Variants in STK32B observed in about 807,000 individuals in gnomAD.
The protein encoded by STK32B is serine/threonine-protein kinase 32B.
STK32B carries 43 observed loss-of-function variants against 52.6 expected under a neutral mutation model. The ratio of observed to expected loss-of-function variants is 0.82; its 90% CI spans 0.64 to 1.05. The LOEUF is 1.05. Ranked by LOEUF, STK32B falls within the 50% of genes least tolerant of loss-of-function variation. STK32B has a pLI of 0.00. For synonymous variants in STK32B, 238 were observed against 204.3 expected (o/e 1.17, Z -1.41); for missense variants, 621 against 534.6 (o/e 1.16, Z -1.59).
At chr4:5,448,739 A>T (rs913708136) in intron 7 of STK32B, among the ~76,000 whole-genome samples, 4 of 152,206 alleles carry the variant, frequency 2.6e-5, no homozygotes, top group Non-Finnish European at 4.4e-5. Context: ...GGCCTTTGGC[A>T]TGGAGACAAA....
chr4:5,288,826 T>A (rs1191398003), intron 3 of STK32B, among the ~76,000 whole-genome samples: 1 of 152,230 alleles, frequency 6.6e-6, no homozygotes, highest in Non-Finnish European at 1.5e-5. Flanking sequence ...ACACCTATGT[T>A]TTGTTCTGAA....
chr4:5,279,979 G>C (rs1406396906), intron 3 of STK32B, among the ~76,000 whole-genome samples: 1 of 152,202 alleles, frequency 6.6e-6, no homozygotes, highest in Non-Finnish European at 1.5e-5. Flanking sequence ...GCTTGTGATG[G>C]AAGGGGCTGC....
intron 3 of STK32B, among the ~76,000 whole-genome samples, chr4:5,276,714 A>G (rs1269214192): frequency 1.3e-5 from 2 of 152,086 alleles, no homozygotes; most frequent in Non-Finnish European, 2.9e-5. Context: ...GAGATTTGTT[A>G]TAATTTTTAC....
chr4:5,082,994 A>G (rs1009231057), intron 1 of STK32B, among the ~76,000 whole-genome samples: 1 of 152,230 alleles, frequency 6.6e-6, no homozygotes, highest in African/African-American at 2.4e-5. Flanking sequence ...AAATATTACA[A>G]TAAACGAACA....
intron 1 of STK32B, among the ~76,000 whole-genome samples, chr4:5,076,079 G>C (rs1464790839): frequency 6.6e-6 from 1 of 152,164 alleles, no homozygotes; most frequent in Non-Finnish European, 1.5e-5. Flanking sequence ...AAGCCCAGCT[G>C]TACGGGACAT....
chr4:5,139,032 T>C (rs1464107577), intron 1 of STK32B, among the ~76,000 whole-genome samples: 1 of 152,088 alleles, frequency 6.6e-6, no homozygotes, highest in Non-Finnish European at 1.5e-5. Flanking sequence ...CACATTTTCC[T>C]GAGTGGAAGA....
intron 4 of STK32B, among the ~76,000 whole-genome samples, chr4:5,365,884 A>G (rs1465731217): frequency 6.6e-6 from 1 of 152,140 alleles, no homozygotes; most frequent in Non-Finnish European, 1.5e-5. Flanking sequence ...AGGGCGTGGG[A>G]TTTTAAAGGG....
At chr4:5,163,756 G>C (rs988508808) in intron 2 of STK32B, among the ~76,000 whole-genome samples, 1 of 152,214 alleles carries the variant, frequency 6.6e-6, no homozygotes, top group Non-Finnish European at 1.5e-5. Flanking sequence ...GGGGTAGCCA[G>C]TTTGGAAGCT....
In STK32B at chr4:5,298,104, A is replaced by G. The variant is rs569757028; in HGVS notation, c.261-33116A>G. ...TCCAGACCCCATTTGCCTGGGTATC[A>G]CCAGCGGAGCCTGCAGAACAGCAAA... On this transcript the variant is annotated intron_variant, in intron 3 of 11. Coordinates refer to ENST00000282908, the MANE Select transcript of STK32B (RefSeq NM_018401.3). Among the ~76,000 whole-genome samples, 6 of 152,254 alleles carry G rather than the reference A, an allele frequency of 3.9e-5. 1 individual carries two copies. Among genetic ancestry groups the G allele is most frequent in the African/African-American group, 1.4e-4 (6 of 41,548 alleles).
chr4:5,354,551 C>T (rs922273940), intron 4 of STK32B, among the ~76,000 whole-genome samples: 4 of 152,170 alleles, frequency 2.6e-5, no homozygotes, highest in African/African-American at 4.8e-5. Context: ...CAGGCGTGAC[C>T]ACCACGCCTG....
intron 2 of STK32B, among the ~76,000 whole-genome samples, chr4:5,145,093 T>C (rs1375887756): frequency 6.6e-6 from 1 of 152,160 alleles, no homozygotes; most frequent in African/African-American, 2.4e-5. Context: ...CAGGGTTGAC[T>C]GCATACCCAT....
At chr4:5,063,964 C>T (rs570746773) in intron 1 of STK32B, among the ~76,000 whole-genome samples, 1 of 152,056 alleles carries the variant, frequency 6.6e-6, no homozygotes, top group South Asian at 2.1e-4. Flanking sequence ...TTATGAAGTT[C>T]CTGTTCATAA....
chr4:5,135,391 G>T (rs1361688118), intron 1 of STK32B, among the ~76,000 whole-genome samples: 2 of 152,110 alleles, frequency 1.3e-5, no homozygotes, highest in Non-Finnish European at 2.9e-5. Context: ...CTATGTTGTT[G>T]TCCCAAATAA....
At chr4:5,263,971 G>C (rs1726891417) in intron 3 of STK32B, among the ~76,000 whole-genome samples, 1 of 152,202 alleles carries the variant, frequency 6.6e-6, no homozygotes, top group African/African-American at 2.4e-5. Context: ...TGAGATTCAA[G>C]TATATCATTG....
At chr4:5,231,238 A>G (rs1302490439) in intron 3 of STK32B, among the ~76,000 whole-genome samples, 1 of 152,166 alleles carries the variant, frequency 6.6e-6, no homozygotes. Flanking sequence ...GTCTTCTTCT[A>G]TGCTCTGGCT....
At chr4:5,183,616 A>G (rs1156233374) in intron 3 of STK32B, among the ~76,000 whole-genome samples, 1 of 152,220 alleles carries the variant, frequency 6.6e-6, no homozygotes, top group Non-Finnish European at 1.5e-5. Context: ...TGGAGCATTC[A>G]GAACACACAC....
rs1401202296 is a variant in STK32B at position 5,396,248 on chromosome 4, T to TGGCTCCAGGC, written c.435-1957_435-1948dup. Among the ~76,000 whole-genome samples the TGGCTCCAGGC allele has an allele frequency of 2.0e-5, 3 of 152,208 alleles. No individual in the cohort carries two copies. Among genetic ancestry groups the TGGCTCCAGGC allele is most frequent in the Non-Finnish European group, 4.4e-5 (3 of 68,038 alleles). Reference sequence around the variant, plus strand: ...GCCCCTGGCCTGTTCCAGCTCCAGGTGGCTCCAGGCGTTTCTGGTTCATGG... The same window carrying TGGCTCCAGGC: ...GCCCCTGGCCTGTTCCAGCTCCAGGTGGCTCCAGGCGGCTCCAGGCGTTTCTGGTTCATGG... On this transcript the variant is annotated intron_variant, in intron 4 of 11. Coordinates refer to ENST00000282908, the MANE Select transcript of STK32B (RefSeq NM_018401.3). This position sits in a 1 kb window ranked among gnomAD's most constrained non-coding sequence, Gnocchi z 4.7.
chr4:5,312,508 A>C (rs28692667), intron 3 of STK32B, among the ~76,000 whole-genome samples: 1 of 150,596 alleles, frequency 6.6e-6, no homozygotes, highest in Admixed American at 6.7e-5. Context: ...TCATTGTTCA[A>C]TTCCCACCTG....
At chr4:5,249,754 T>A (rs770632663) in intron 3 of STK32B, among the ~76,000 whole-genome samples, 1 of 147,192 alleles carries the variant, frequency 6.8e-6, no homozygotes, top group Non-Finnish European at 1.5e-5. Flanking sequence ...GGCTCTCTCT[T>A]AATTTATTGT....
Sources: allele counts gnomAD v4.1 joint callset (sites outside exome capture counted in the v4.1 genomes callset), GRCh38; gene constraint gnomAD v4.1.1; non-coding constraint Gnocchi (gnomAD v3.1); transcripts MANE v1.5; gene names NCBI Gene and HGNC (gene_info 2026-07-23, HGNC 2026-07-21).